METTL15: variants seen among roughly 807,000 people sequenced by gnomAD.
METTL15 encodes the protein 12S rRNA N(4)-cytidine methyltransferase METTL15.
Under a neutral mutation model 38.3 loss-of-function variants are expected in METTL15, and 34 were observed. That is an observed-to-expected ratio of 0.89 (90% CI 0.68 to 1.18). The LOEUF is 1.18. METTL15 is among the 50% of genes most tolerant of loss of function. The pLI is 0.00. For synonymous variants in METTL15, 162 were observed against 170.9 expected (o/e 0.95, Z 0.41); for missense variants, 438 against 498.4 (o/e 0.88, Z 1.15).
At chr11:28,219,356 T>C (rs867375545) in intron 4 of METTL15, among the ~76,000 whole-genome samples, 23 of 152,224 alleles carry the variant, frequency 1.5e-4, no homozygotes, top group South Asian at 4.1e-4. Flanking sequence ...TAGAGGTGTT[T>C]ATAGTATTCT....
At chr11:28,512,091 G>C (rs1309955855) in intron 6 of METTL15, among the ~76,000 whole-genome samples, 1 of 152,094 alleles carries the variant, frequency 6.6e-6, no homozygotes, top group Non-Finnish European at 1.5e-5. Flanking sequence ...CCCTGAGCTA[G>C]ACACAAAAGT....
At chr11:28,159,697 G>C (rs775886240) in intron 3 of METTL15, among the ~76,000 whole-genome samples, 1 of 152,070 alleles carries the variant, frequency 6.6e-6, no homozygotes, top group Non-Finnish European at 1.5e-5. Flanking sequence ...AAGATTTATT[G>C]ACTTCACATC....
intron 6 of METTL15, among the ~76,000 whole-genome samples, chr11:28,444,786 G>A (rs1253193179): frequency 6.6e-6 from 1 of 151,936 alleles, no homozygotes; most frequent in Non-Finnish European, 1.5e-5. Context: ...TCCTGTCCTA[G>A]GTTTACATTC....
At chr11:28,177,077 TGTA>T (rs1851104452) in intron 3 of METTL15, among the ~76,000 whole-genome samples, 1 of 152,036 alleles carries the variant, frequency 6.6e-6, no homozygotes, top group Non-Finnish European at 1.5e-5. Flanking sequence ...GAATTCCCAT[TGTA>T]GTAATTTCTT....
intron 5 of METTL15, among the ~76,000 whole-genome samples, chr11:28,396,893 A>G (rs1457464763): frequency 6.6e-6 from 1 of 152,208 alleles, no homozygotes; most frequent in East Asian, 1.9e-4. Flanking sequence ...AACAACAGAG[A>G]AATAGACCAA....
chr11:28,272,576 G>A (rs1855687443), intron 4 of METTL15, among the ~76,000 whole-genome samples: 1 of 152,158 alleles, frequency 6.6e-6, no homozygotes, highest in Non-Finnish European at 1.5e-5. Context: ...CAGGGGGTGT[G>A]CGTTCAGGAC....
chr11:28,108,902 C>T (rs1047556506), intron 1 of METTL15, among the ~76,000 whole-genome samples: 1 of 152,136 alleles, frequency 6.6e-6, no homozygotes, highest in African/African-American at 2.4e-5. Context: ...ATACCTGGAA[C>T]AAATCGGAAA....
Position 28,296,900 on chromosome 11 carries a change from C to T in METTL15, c.747C>T (p.Thr249=). ...AGGCACGCAGCATCTACCCCATCAC[C>T]AGAACCCAGCAGCTTGCCAGCATCG... is the stretch of plus-strand genomic sequence containing the variant. ...IVQARSIYPI[T]RTQQLASIVA... The change falls in exon 6 of 7, where the codon ACC becomes ACT. Residue 249 remains threonine (T), a synonymous_variant. Coordinates refer to ENST00000407364, the MANE Select transcript of METTL15 (RefSeq NM_001113528.2). The T allele has an allele frequency of 6.2e-7, 1 of 1,613,530 alleles. No homozygotes were observed. The highest frequency in any genetic ancestry group is 1.3e-5 in the African/African-American group (1 of 74,982).
chr11:28,439,233 G>T (rs1851012582), intron 6 of METTL15, among the ~76,000 whole-genome samples: 1 of 152,142 alleles, frequency 6.6e-6, no homozygotes, highest in Non-Finnish European at 1.5e-5. Flanking sequence ...ATCTGTGGAG[G>T]TTGACAATTT....
intron 5 of METTL15, among the ~76,000 whole-genome samples, chr11:28,381,141 T>G (rs1452717505): frequency 1.3e-5 from 2 of 152,274 alleles, no homozygotes; most frequent in East Asian, 3.9e-4. Context: ...TAGCTGTGAC[T>G]ACAGGCATGT....
At chr11:28,427,888 T>G (rs1850879512) in intron 6 of METTL15, among the ~76,000 whole-genome samples, 2 of 152,198 alleles carry the variant, frequency 1.3e-5, no homozygotes, top group South Asian at 4.1e-4. Flanking sequence ...CTTCCTGTCT[T>G]TCTATTAGAA....
At chr11:28,525,986 C>T (rs997028532) in intron 6 of METTL15, among the ~76,000 whole-genome samples, 2 of 152,208 alleles carry the variant, frequency 1.3e-5, no homozygotes, top group East Asian at 3.9e-4. Context: ...TTGAGCACAG[C>T]GCTGGTGGGC....
chr11:28,173,864 T>C (rs577324556), intron 3 of METTL15, among the ~76,000 whole-genome samples: 10 of 152,336 alleles, frequency 6.6e-5, no homozygotes, highest in African/African-American at 2.2e-4. Context: ...GTTAGCTTGA[T>C]GTTTTTCTCA....
chr11:28,393,667 A>G (rs1226555095), intron 5 of METTL15, among the ~76,000 whole-genome samples: 2 of 152,102 alleles, frequency 1.3e-5, no homozygotes, highest in African/African-American at 4.8e-5. Flanking sequence ...AGAACAAGTG[A>G]TATCAGAGAC....
chr11:28,214,331 G>A (rs1400496957), intron 4 of METTL15, among the ~76,000 whole-genome samples: 1 of 152,102 alleles, frequency 6.6e-6, no homozygotes, highest in African/African-American at 2.4e-5. Context: ...ACCATGCCTG[G>A]CCTAATACCA....
chr11:28,407,827 A>C (rs1850687189), intron 5 of METTL15, among the ~76,000 whole-genome samples: 1 of 152,210 alleles, frequency 6.6e-6, no homozygotes, highest in Admixed American at 6.5e-5. Flanking sequence ...AAAGAATATA[A>C]ATCATTCTAT....
Position 28,211,112 on chromosome 11 carries a change from G to T in METTL15, c.321G>T (p.Leu107=), listed in dbSNP as rs772854028. ...CGGGAGGGCACACAAAAGCCATTCT[G>T]CAGAAGGAGTCAGATATTGTTCTCT... ...FGSGGHTKAI[L]QKESDIVLYA... The change falls in exon 4 of 7, where the codon CTG becomes CTT. Residue 107 remains leucine (L), a synonymous_variant. Transcript: ENST00000407364. 68 of 1,612,176 alleles carry T rather than the reference G, an allele frequency of 4.2e-5. No individual in the cohort carries two copies. Among genetic ancestry groups the T allele is most frequent in the Non-Finnish European group, 5.6e-5 (66 of 1,179,086 alleles).
chr11:28,389,803 C>A (rs1850482956), intron 5 of METTL15, among the ~76,000 whole-genome samples: 1 of 151,604 alleles, frequency 6.6e-6, no homozygotes, highest in Admixed American at 6.6e-5. Context: ...TGAGGAATCG[C>A]CACACTGTCT....
At chr11:28,380,554 T>G (rs1379600097) in intron 5 of METTL15, among the ~76,000 whole-genome samples, 2 of 152,208 alleles carry the variant, frequency 1.3e-5, no homozygotes. Flanking sequence ...CTTCTTTTCT[T>G]TCTTACTGTC....
Sources: gnomAD v4.1 joint callset for allele counts (sites outside exome capture counted in the v4.1 genomes callset) on GRCh38, gnomAD v4.1.1 for gene constraint, MANE v1.5 for transcripts, NCBI Gene and HGNC (gene_info 2026-07-23, HGNC 2026-07-21) for gene names.